Variants in ANO2 observed in about 807,000 individuals in gnomAD.
ANO2 encodes anoctamin-2.
ANO2 carries 101 observed loss-of-function variants against 124.2 expected under a neutral mutation model. The observed-to-expected ratio is 0.81, with a 90% CI of 0.69 to 0.96. ANO2 has a LOEUF of 0.96. Ranked by LOEUF, ANO2 falls within the 40% of genes least tolerant of loss-of-function variation. The pLI is 0.00. For missense variants in ANO2, 1,293 were observed against 1,274.5 expected, an observed-to-expected ratio of 1.01 and a Z score of -0.22; for synonymous variants, 486 against 482.5, an observed-to-expected ratio of 1.01 and a Z score of -0.09.
intron 3 of ANO2, among the ~76,000 whole-genome samples, chr12:5,899,549 A>G (rs983679344): frequency 1.3e-5 from 2 of 152,188 alleles, no homozygotes; most frequent in African/African-American, 4.8e-5. Context: ...CTTCACAACA[A>G]TTTTGTTAAT....
rs1951425778 is a variant in ANO2, at chr12:5,751,119, G to C, written c.1056-149C>G. On this transcript the variant is annotated intron_variant, in intron 10 of 24. Coordinates refer to ENST00000682330, the MANE Select transcript of ANO2 (RefSeq NM_001364791.2). ...AAGGGATGGAGGTTGCACGGGGAAG[G>C]GGAGGCTTCAGTACAAAGAATCAAC... The C allele has an allele frequency of 1.9e-5, 14 of 726,050 alleles. No homozygotes were observed. The South Asian group carries it at 2.9e-4, about 15-fold the overall frequency. 45.0% of individuals were successfully genotyped at this position (726,050 alleles called of 1,614,324 possible).
intron 13 of ANO2, among the ~76,000 whole-genome samples, chr12:5,736,962 C>T (rs1950893203): frequency 6.6e-6 from 1 of 152,234 alleles, no homozygotes; most frequent in African/African-American, 2.4e-5. Flanking sequence ...TTCTCTCACA[C>T]ACTCTCCATT....
intron 9 of ANO2, among the ~76,000 whole-genome samples, chr12:5,804,553 A>G (rs1953134076): frequency 6.6e-6 from 1 of 152,186 alleles, no homozygotes; most frequent in Non-Finnish European, 1.5e-5. Context: ...ATGCAATTCC[A>G]TCCTGGCTGG....
intron 14 of ANO2, among the ~76,000 whole-genome samples, chr12:5,653,365 GA>G (rs1459543126): frequency 6.6e-6 from 1 of 152,210 alleles, no homozygotes; most frequent in Non-Finnish European, 1.5e-5. Flanking sequence ...AAAGAGAAGA[GA>G]AATACAATGG....
intron 4 of ANO2, among the ~76,000 whole-genome samples, chr12:5,853,538 T>C (rs1020193387): frequency 4.6e-5 from 7 of 152,030 alleles, no homozygotes; most frequent in South Asian, 2.1e-4. Flanking sequence ...TCAATTCACC[T>C]GATTAAGAAC....
intron 14 of ANO2, among the ~76,000 whole-genome samples, chr12:5,690,808 T>C (rs553866405): frequency 6.6e-6 from 1 of 152,204 alleles, no homozygotes; most frequent in Admixed American, 6.5e-5. Context: ...TGTCACCCCA[T>C]CCTGAGCATA....
intron 20 of ANO2, chr12:5,584,227 T>C (rs1197481199): frequency 1.3e-5 from 2 of 149,366 alleles, no homozygotes; most frequent in Non-Finnish European, 2.9e-5. Context: ...CCAGTGACCA[T>C]GTGAGGGCTG....
chr12:5,717,400 G>T (rs1430101211), intron 14 of ANO2, among the ~76,000 whole-genome samples: 1 of 152,326 alleles, frequency 6.6e-6, no homozygotes, highest in East Asian at 1.9e-4. Flanking sequence ...CAGAAATAAG[G>T]AAGACCCCAA....
upstream of ANO2, chr12:5,946,205 G>T (rs767770572): frequency 4.3e-6 from 7 of 1,611,336 alleles, no homozygotes; most frequent in Admixed American, 1.7e-5. The surrounding 1 kb of genome is among the most constrained non-coding windows in gnomAD (Gnocchi z 4.1). Context: ...GGTCATGATA[G>T]ATCCCACTTT....
intron 14 of ANO2, among the ~76,000 whole-genome samples, chr12:5,649,427 A>C (rs1380263799): frequency 6.6e-6 from 1 of 152,214 alleles, no homozygotes; most frequent in African/African-American, 2.4e-5. Flanking sequence ...CAAGGTAACT[A>C]CATCTTGTGG....
chr12:5,614,991 T>A (rs1944727356), intron 17 of ANO2, among the ~76,000 whole-genome samples, 195 bp downstream of exon 17: 1 of 152,168 alleles, frequency 6.6e-6, no homozygotes, highest in Non-Finnish European at 1.5e-5. Flanking sequence ...GCCAGGGTCA[T>A]CAGAGTCTGA....
intron 20 of ANO2, chr12:5,584,028 A>G: frequency 3.9e-6 from 1 of 255,536 alleles, no homozygotes. Flanking sequence ...GTAAAATGGA[A>G]TTATGGTTGC....
intron 20 of ANO2, among the ~76,000 whole-genome samples, chr12:5,581,298 A>T (rs1195490333): frequency 6.6e-6 from 1 of 152,158 alleles, no homozygotes; most frequent in African/African-American, 2.4e-5. Flanking sequence ...CTCCAGCAGA[A>T]ATGTGCAAAC....
intron 15 of ANO2, among the ~76,000 whole-genome samples, chr12:5,637,404 G>A (rs1946081277): frequency 6.6e-6 from 1 of 151,602 alleles, no homozygotes; most frequent in African/African-American, 2.4e-5. Context: ...ACGGACTAGG[G>A]GAAAAAAAAC....
At chr12:5,896,801 G>C (rs1052447157) in intron 3 of ANO2, among the ~76,000 whole-genome samples, 3 of 152,208 alleles carry the variant, frequency 2.0e-5, no homozygotes, top group Non-Finnish European at 4.4e-5. Flanking sequence ...TGAGTGCACA[G>C]AGAATAGGTA....
intron 3 of ANO2, among the ~76,000 whole-genome samples, chr12:5,880,860 A>AG (rs1565745393): frequency 2.8e-5 from 4 of 144,894 alleles, no homozygotes; most frequent in African/African-American, 7.9e-5. Flanking sequence ...GGGTGGATAG[A>AG]TGGATGAGTG....
rs757728002 is a variant in ANO2 at position 5,578,367 on chromosome 12, G to A, written c.2385C>T (p.Ile795=). 16 of 1,613,430 alleles carry A rather than the reference G, an allele frequency of 9.9e-6. No homozygotes were observed. The highest frequency in any genetic ancestry group is 4.5e-5 in the East Asian group (2 of 44,880). The change falls in exon 21 of 25, where the codon ATC becomes ATT. Residue 795 remains isoleucine (I), a splice_region_variant and synonymous_variant. Transcript: ENST00000682330. ...RRPDAVRTKD[I]GIWFDILSGI... is the part of the protein sequence containing the mutation. The stretch of plus-strand genomic sequence containing the variant: ...GGGGCCTCTAAGTGGGGCACGTACC[G>A]ATATCTTTGGTTCTTACAGCATCCG...
intron 3 of ANO2, among the ~76,000 whole-genome samples, chr12:5,857,248 T>C (rs996707416): frequency 1.3e-5 from 2 of 152,206 alleles, no homozygotes; most frequent in African/African-American, 2.4e-5. Context: ...TTAGGCATAG[T>C]AGGGGAGTGG....
At chr12:5,683,693 T>G (rs1176094357) in intron 14 of ANO2, among the ~76,000 whole-genome samples, 1 of 152,126 alleles carries the variant, frequency 6.6e-6, no homozygotes, top group Non-Finnish European at 1.5e-5. Context: ...GGAAACCTGG[T>G]GCTGAAACCG....
Sources: allele counts gnomAD v4.1 joint callset (sites outside exome capture counted in the v4.1 genomes callset), GRCh38; gene constraint gnomAD v4.1.1; non-coding constraint Gnocchi (gnomAD v3.1); transcripts MANE v1.5; gene names NCBI Gene and HGNC (gene_info 2026-07-23, HGNC 2026-07-21).